Variants in GSE1 observed in about 807,000 individuals in gnomAD.
The protein encoded by GSE1 is genetic suppressor element 1.
In GSE1, 32 loss-of-function variants were observed where a neutral mutation model predicts 112.6. That is an observed-to-expected ratio of 0.28 (90% confidence interval 0.21 to 0.38). The LOEUF is 0.38. GSE1 is among the 10% of genes least tolerant of loss of function. The probability of loss-of-function intolerance (pLI) is 1.00; values close to 1 mark genes in which losing one functional copy is unlikely to be tolerated. For missense variants in GSE1, 2,348 were observed against 1,699.2 expected (o/e 1.38, Z -6.71); for synonymous variants, 1,115 against 735.6 (o/e 1.52, Z -8.35).
chr16:85,631,817 C>T (rs952671957), intron 1 of GSE1, among the ~76,000 whole-genome samples: 4 of 152,246 alleles, frequency 2.6e-5, no homozygotes, highest in South Asian at 2.1e-4. Context: ...GGTTGTTCAG[C>T]CAGAAGCATC....
At chr16:85,592,850 G>A (rs2047057784) in intron 1 of GSE1, 1 of 152,422 alleles carries the variant, frequency 6.6e-6, no homozygotes, top group Middle Eastern at 3.1e-3. Flanking sequence ...TTAACTGGAT[G>A]AGTCACCCTA....
intron 2 of GSE1, among the ~76,000 whole-genome samples, chr16:85,504,534 C>G (rs4072118): frequency 1.2e-4 from 18 of 152,034 alleles, no homozygotes; most frequent in Non-Finnish European, 2.5e-4. Flanking sequence ...GTGAAGCCGA[C>G]GAGTCTTTGG....
At chr16:85,219,946 C>T (rs2075363891) in intron 1 of GSE1, among the ~76,000 whole-genome samples, 2 of 152,220 alleles carry the variant, frequency 1.3e-5, no homozygotes, top group Non-Finnish European at 2.9e-5. Flanking sequence ...CAGCATTTCC[C>T]AGGGTGACCC....
At chr16:85,273,810 C>G (rs1278401566) in intron 1 of GSE1, among the ~76,000 whole-genome samples, 1 of 151,830 alleles carries the variant, frequency 6.6e-6, no homozygotes, top group African/African-American at 2.4e-5. Flanking sequence ...CTGCCTCAGA[C>G]TCCCAAGTAG....
chr16:85,525,197 A>C (rs1426470391), intron 2 of GSE1, among the ~76,000 whole-genome samples: 2 of 151,728 alleles, frequency 1.3e-5, no homozygotes, highest in Non-Finnish European at 2.9e-5. Context: ...CGGGGAGGGC[A>C]CCTTGGCAGC....
chr16:85,583,599 T>G (rs552619861), intron 1 of GSE1: 4 of 150,044 alleles, frequency 2.7e-5, no homozygotes, highest in Non-Finnish European at 4.4e-5. Flanking sequence ...GCACGCAAAC[T>G]CACACACGGG....
At chr16:85,618,846 G>C (rs2151612343) in intron 1 of GSE1, among the ~76,000 whole-genome samples, 1 of 152,316 alleles carries the variant, frequency 6.6e-6, no homozygotes, top group South Asian at 2.1e-4. Context: ...TTTTTTTGTG[G>C]AGACAGGGTC....
At chr16:85,577,630 C>A (rs1200152501) in intron 1 of GSE1, among the ~76,000 whole-genome samples, 1 of 152,144 alleles carries the variant, frequency 6.6e-6, no homozygotes, top group African/African-American at 2.4e-5. Flanking sequence ...AGTCACCTGC[C>A]CAGGGTGAGT....
intron 1 of GSE1, among the ~76,000 whole-genome samples, chr16:85,344,410 C>T (rs989397649): frequency 3.9e-5 from 6 of 152,178 alleles, no homozygotes; most frequent in South Asian, 2.1e-4. Flanking sequence ...GCTGACTGCC[C>T]GAAGCTCCCA....
chr16:85,192,241 C>G (rs1440344657), intron 1 of GSE1, among the ~76,000 whole-genome samples: 1 of 152,248 alleles, frequency 6.6e-6, no homozygotes, highest in Non-Finnish European at 1.5e-5. Flanking sequence ...GATTATTCCA[C>G]TGTAGAGCAA....
At chr16:85,290,696 C>A (rs934351790) in intron 1 of GSE1, among the ~76,000 whole-genome samples, 3 of 152,106 alleles carry the variant, frequency 2.0e-5, no homozygotes, top group African/African-American at 4.8e-5. Flanking sequence ...CTTCATAGAG[C>A]CTTTGTTGTC....
rs1221491079 is a variant in GSE1, at chr16:85,176,717, C to T, written c.2283+4910C>T. Among the ~76,000 whole-genome samples the T allele has an allele frequency of 3.9e-5, 6 of 151,996 alleles. No individual in the cohort carries two copies. In the East Asian group the frequency reaches 5.8e-4, roughly 15 times the overall value. ...GTGGGGATGCCCCGGCCAGGCCCCC[C>T]GAGTGTGGCCTCCGAGCCCAGAACA... On this transcript the variant is annotated intron_variant, in intron 1 of 2. Transcript: ENST00000637419.
At chr16:85,203,991 C>T (rs2075073633) in intron 1 of GSE1, among the ~76,000 whole-genome samples, 1 of 152,192 alleles carries the variant, frequency 6.6e-6, no homozygotes, top group African/African-American at 2.4e-5. Context: ...TCTCAAACTC[C>T]TGGGCTCAAG....
intron 1 of GSE1, among the ~76,000 whole-genome samples, chr16:85,614,388 C>G (rs1031502061): frequency 6.6e-6 from 1 of 152,078 alleles, no homozygotes; most frequent in African/African-American, 2.4e-5. Flanking sequence ...GAGTGGAGCT[C>G]ACCCTCCCTG....
chr16:85,645,217 C>T (rs908592585), intron 2 of GSE1, among the ~76,000 whole-genome samples: 1 of 152,060 alleles, frequency 6.6e-6, no homozygotes, highest in Non-Finnish European at 1.5e-5. Context: ...TTGGGTCACG[C>T]CTCAGGGGCA....
intron 1 of GSE1, among the ~76,000 whole-genome samples, chr16:85,305,476 T>TTG (rs1567676441): frequency 6.6e-6 from 1 of 151,470 alleles, no homozygotes; most frequent in Non-Finnish European, 1.5e-5. Flanking sequence ...GTTTTTTTTT[T>TTG]TTTGTTTGTT....
chr16:85,349,749 C>T (rs187908441), intron 1 of GSE1, among the ~76,000 whole-genome samples: 1 of 152,334 alleles, frequency 6.6e-6, no homozygotes, highest in East Asian at 1.9e-4. Flanking sequence ...GTCTCTTCCC[C>T]CTCCTGCGGT....
In GSE1 at chr16:85,270,436, A is replaced by G. The variant is rs528666601; in HGVS notation, c.2284-87027A>G. ...CGTCTGCTTGGGTGACTCTCCGAGGACACAGCCCCTGTAGACATTCGGCAC... is the reference window on the plus strand; with the variant it reads ...CGTCTGCTTGGGTGACTCTCCGAGGGCACAGCCCCTGTAGACATTCGGCAC... On this transcript the variant is annotated intron_variant, in intron 1 of 2. Transcript: ENST00000637419. 9.4e-5 allele frequency among the ~76,000 whole-genome samples: 14 copies of G among 149,216 alleles called. 3 individuals carry two copies. The highest frequency in any genetic ancestry group is 2.0e-4 in the Non-Finnish European group (13 of 66,156).
intron 2 of GSE1, among the ~76,000 whole-genome samples, chr16:85,383,427 A>G (rs1402391771): frequency 6.6e-6 from 1 of 152,056 alleles, no homozygotes; most frequent in Non-Finnish European, 1.5e-5. Flanking sequence ...CAGCCTCTGT[A>G]CATAGATACG....
Sources: gnomAD v4.1 joint callset for allele counts (sites outside exome capture counted in the v4.1 genomes callset) on GRCh38, gnomAD v4.1.1 for gene constraint, MANE v1.5 for transcripts, NCBI Gene and HGNC (gene_info 2026-07-23, HGNC 2026-07-21) for gene names.